Variants in C2CD3 observed in about 807,000 individuals in gnomAD.
The protein encoded by C2CD3 is C2 domain containing 3 centriole elongation regulator.
In C2CD3, 148 loss-of-function variants were observed where a neutral mutation model predicts 234.0. That is an observed-to-expected ratio of 0.63 (90% CI 0.55 to 0.72). The LOEUF (loss-of-function observed/expected upper bound fraction) is 0.72, where lower values mean the gene tolerates loss of function less well. Ranked by LOEUF, C2CD3 falls within the 30% of genes least tolerant of loss-of-function variation. The pLI is 0.00. For synonymous variants in C2CD3, 1,000 were observed against 1,035.4 expected, an observed-to-expected ratio of 0.97 and a Z score of 0.66; for missense variants, 2,577 against 2,811.5, an observed-to-expected ratio of 0.92 and a Z score of 1.89.
chr11:74,136,921 CAT>C (rs1957882427), intron 5 of C2CD3, among the ~76,000 whole-genome samples: 1 of 150,198 alleles, frequency 6.7e-6, no homozygotes, highest in African/African-American at 2.5e-5. Context: ...ACATTCTGCA[CAT>C]GTGCCCCAGA....
chr11:74,017,891 C>A (rs1415473428), intron 32 of C2CD3, among the ~76,000 whole-genome samples: 1 of 152,236 alleles, frequency 6.6e-6, no homozygotes, highest in Non-Finnish European at 1.5e-5. Context: ...CAGATGGATT[C>A]CTCGAACAGG....
chr11:74,078,873 G>A (rs1478395620), intron 22 of C2CD3, among the ~76,000 whole-genome samples, 156 bp from the exon 23 acceptor site: 2 of 152,194 alleles, frequency 1.3e-5, no homozygotes, highest in African/African-American at 4.8e-5. Flanking sequence ...TCTGACCATT[G>A]AGAGGCAATG....
intron 8 of C2CD3, among the ~76,000 whole-genome samples, chr11:74,121,859 C>T (rs893933038): frequency 4.6e-5 from 7 of 152,174 alleles, no homozygotes; most frequent in Admixed American, 1.3e-4. Context: ...GAAATCCTAA[C>T]AGTTCCTAAT....
intron 25 of C2CD3, 37 bp from the exon 26 acceptor site, chr11:74,054,708 A>G: frequency 7.1e-7 from 1 of 1,411,552 alleles, no homozygotes; most frequent in Non-Finnish European, 9.9e-7. Flanking sequence ...CTAAATGTAT[A>G]GGAACTTTCT....
chr11:74,167,984 G>C, intron 2 of C2CD3: 1 of 211,552 alleles, frequency 4.7e-6, no homozygotes, highest in Admixed American at 5.3e-5. Flanking sequence ...GTAGTGAAAA[G>C]AGCATGAGTT....
rs778118604 is a variant in C2CD3 at position 74,109,155 on chromosome 11, G to A, written c.1844-3C>T. The A allele has an allele frequency of 3.9e-6, 6 of 1,519,884 alleles. No individual in the cohort carries two copies. The highest frequency in any genetic ancestry group is 5.4e-6 in the Non-Finnish European group (6 of 1,121,478). 94.1% of individuals were successfully genotyped at this position (1,519,884 alleles called of 1,614,324 possible). A position where few individuals can be genotyped will look rare whatever the true frequency, so the allele number is the denominator to read the frequency against. On this transcript the variant is annotated splice_polypyrimidine_tract_variant and splice_region_variant and intron_variant, in intron 11 of 32. Coordinates refer to ENST00000334126, the MANE Select transcript of C2CD3 (RefSeq NM_001286577.2). ...AAATCGCTGCTGGAACTTCACCTCTGTAAGGAGAACCAGACACACAGACAT... is the reference window on the plus strand; with the variant it reads ...AAATCGCTGCTGGAACTTCACCTCTATAAGGAGAACCAGACACACAGACAT...
chr11:74,071,565 T>C (rs1262459645), intron 24 of C2CD3, among the ~76,000 whole-genome samples: 1 of 152,234 alleles, frequency 6.6e-6, no homozygotes, highest in Non-Finnish European at 1.5e-5. Flanking sequence ...ATTTGTGAAA[T>C]GATTATGTAT....
At chr11:74,128,068 T>C (rs1216563117) in intron 7 of C2CD3, among the ~76,000 whole-genome samples, 2 of 152,186 alleles carry the variant, frequency 1.3e-5, no homozygotes, top group Non-Finnish European at 2.9e-5. Flanking sequence ...TTTCACTGTG[T>C]TAGCCAGGAT....
At position 74,156,240 on chromosome 11, in the gene C2CD3, C is replaced by T. The variant is rs537296799; in HGVS notation, c.483+5159G>A. On this transcript the variant is annotated intron_variant, in intron 3 of 32. Coordinates refer to ENST00000334126, the MANE Select transcript of C2CD3 (RefSeq NM_001286577.2). ...AGTGAGCTGAGATCGCACCACTGCA[C>T]TCCAGCCTGGTGACCGAGCAAGACT... 2.6e-5 allele frequency among the ~76,000 whole-genome samples: 4 copies of T among 151,914 alleles called. No homozygotes were observed. In the East Asian group the frequency reaches 7.8e-4, roughly 29 times the overall value.
At chr11:74,159,605 A>G (rs1856303712) in intron 3 of C2CD3, among the ~76,000 whole-genome samples, 1 of 152,178 alleles carries the variant, frequency 6.6e-6, no homozygotes, top group Admixed American at 6.5e-5. Flanking sequence ...AAATTTTTGC[A>G]TACCTGTAAA....
rs1382033663 is a variant in C2CD3, at chr11:74,095,347, T to C, written c.3041A>G (p.Lys1014Arg). Residue 1014 changes from lysine (K) to arginine (R), a missense_variant, in exon 17 of 33, where the codon AAA becomes AGA. By Grantham distance (26) the Lys-to-Arg change is conservative. Transcript: ENST00000334126. ...HCFEIHIEMV[K>R]GLAPLQATVW... ...TGTTGCCTGAAGAGGGGCTAGCCCT[T>C]TAACCATCTCTATATGGATCTCAAA... 6.2e-7 allele frequency: 1 copy of C among 1,613,908 alleles called. No homozygotes were observed. Among genetic ancestry groups the C allele is most frequent in the Admixed American group, 1.7e-5 (1 of 60,012 alleles).
rs184339112 is a variant in C2CD3 at position 74,154,547 on chromosome 11, T to G, written c.483+6852A>C. 1.4e-4 allele frequency among the ~76,000 whole-genome samples: 21 copies of G among 152,302 alleles called. No individual in the cohort carries two copies. The East Asian group carries it at 3.9e-3, about 28-fold the overall frequency. ...AACTAAAAAAGATAAGCTTATTTTT[T>G]AAATGGGCAAAAAACTTGAACAAAC... On this transcript the variant is annotated intron_variant, in intron 3 of 32. Coordinates refer to ENST00000334126, the MANE Select transcript of C2CD3 (RefSeq NM_001286577.2).
At chr11:74,118,903 C>T (rs1174060724) in intron 8 of C2CD3, among the ~76,000 whole-genome samples, 4 of 137,916 alleles carry the variant, frequency 2.9e-5, no homozygotes, top group Non-Finnish European at 6.1e-5. Context: ...TCTGGATAGA[C>T]TATTTTTTTT....
intron 30 of C2CD3, chr11:74,036,429 T>C (rs1055582631): frequency 2.2e-6 from 1 of 455,908 alleles, no homozygotes; most frequent in Non-Finnish European, 4.4e-6. Flanking sequence ...TCCAAGCAAG[T>C]GGAAGTCAAA....
intron 7 of C2CD3, chr11:74,129,144 T>C (rs1459618604): frequency 5.7e-6 from 1 of 175,152 alleles, no homozygotes; most frequent in South Asian, 9.8e-5. Context: ...GCCCCTCACC[T>C]CCCGGACGGG....
intron 28 of C2CD3, among the ~76,000 whole-genome samples, chr11:74,043,667 C>T (rs529489668): frequency 6.6e-6 from 1 of 151,652 alleles, no homozygotes; most frequent in Non-Finnish European, 1.5e-5. Context: ...TAAATACAGT[C>T]ACCCTAGTGG....
chr11:74,068,396 T>C (rs1255162233), intron 24 of C2CD3, among the ~76,000 whole-genome samples: 1 of 152,226 alleles, frequency 6.6e-6, no homozygotes, highest in Non-Finnish European at 1.5e-5. Flanking sequence ...TGAGAGCTCT[T>C]TGAATGCACA....
intron 3 of C2CD3, among the ~76,000 whole-genome samples, chr11:74,145,315 T>A (rs1855103468): frequency 6.6e-6 from 1 of 152,198 alleles, no homozygotes; most frequent in Non-Finnish European, 1.5e-5. Flanking sequence ...CCCTAATGAT[T>A]AGTGATATTG....
rs199641448 is a variant in C2CD3, at chr11:74,048,329, A to G, written c.5371T>C (p.Tyr1791His). 3.1e-6 allele frequency: 5 copies of G among 1,613,664 alleles called. No individual in the cohort carries two copies. Among genetic ancestry groups the G allele is most frequent in the African/African-American group, 2.7e-5 (2 of 75,040 alleles). ...VETSKSLIPI[Y>H]SPFSFPASDT... Reference sequence around the variant, plus strand: ...GAGGCAGGGAAGGAAAAGGGACTGTATATTGGGATCTGTAAACACAACAAG... The same window carrying G: ...GAGGCAGGGAAGGAAAAGGGACTGTGTATTGGGATCTGTAAACACAACAAG... The change falls in exon 28 of 33, where the codon TAC becomes CAC. Residue 1791 changes from tyrosine (Y) to histidine (H), a missense_variant. Transcript: ENST00000334126.
Sources: gnomAD v4.1 joint callset for allele counts (sites outside exome capture counted in the v4.1 genomes callset) on GRCh38, gnomAD v4.1.1 for gene constraint, MANE v1.5 for transcripts, NCBI Gene and HGNC (gene_info 2026-07-23, HGNC 2026-07-21) for gene names.